SHOC2: variants seen among roughly 807,000 people sequenced by gnomAD.
SHOC2 encodes the protein leucine-rich repeat protein SHOC-2.
SHOC2 carries 4 observed loss-of-function variants against 50.2 expected under a neutral mutation model. That is an observed-to-expected ratio of 0.08 (90% confidence interval 0.04 to 0.18). The LOEUF (loss-of-function observed/expected upper bound fraction) is 0.18, where lower values mean the gene tolerates loss of function less well. SHOC2 is among the 10% of genes least tolerant of loss of function. The pLI is 1.00. For missense variants in SHOC2, 388 were observed against 669.6 expected (o/e 0.58, Z 4.64); for synonymous variants, 218 against 244.5 (o/e 0.89, Z 1.01).
chr10:110,941,045 C>T (rs1479077541), intron 1 of SHOC2, among the ~76,000 whole-genome samples: 3 of 151,126 alleles, frequency 2.0e-5, no homozygotes, highest in Non-Finnish European at 4.4e-5. Flanking sequence ...AGTCCTTCCA[C>T]CTCGGCCTCC....
chr10:111,002,602 C>T (rs1177265734), intron 4 of SHOC2, among the ~76,000 whole-genome samples: 1 of 152,142 alleles, frequency 6.6e-6, no homozygotes, highest in Admixed American at 6.5e-5. Flanking sequence ...GGAGTATCCT[C>T]ATCAAACAGA....
At chr10:110,940,221 T>G (rs10749056) in intron 1 of SHOC2, among the ~76,000 whole-genome samples, 142,399 of 152,198 alleles carry the variant, frequency 0.94, 66,677 homozygotes, top group Admixed American at 0.96. Context: ...AGTTTCCCAA[T>G]ACTAGAAAGC....
intron 1 of SHOC2, among the ~76,000 whole-genome samples, chr10:110,938,579 C>A (rs1160926563): frequency 6.6e-6 from 1 of 151,794 alleles, no homozygotes; most frequent in Non-Finnish European, 1.5e-5. Context: ...TAGATATTTC[C>A]CAAAAAGGGT....
intron 4 of SHOC2, among the ~76,000 whole-genome samples, chr10:111,001,454 C>G (rs1848373528): frequency 2.0e-5 from 3 of 152,060 alleles, no homozygotes; most frequent in Non-Finnish European, 4.4e-5. Context: ...CACAGCCAGC[C>G]AATATAATAC....
chr10:110,960,312 A>T (rs2134115893), intron 1 of SHOC2, among the ~76,000 whole-genome samples: 1 of 152,384 alleles, frequency 6.6e-6, no homozygotes, highest in Admixed American at 6.5e-5. Context: ...CTCAATATTT[A>T]AAATCTGGCC....
At position 111,001,199 on chromosome 10, in the gene SHOC2, C is replaced by G. The variant is rs1252080031; in HGVS notation, c.972+654C>G. Among the ~76,000 whole-genome samples the G allele has an allele frequency of 2.0e-5, 3 of 148,610 alleles. 1 individual carries two copies. In the Admixed American group the frequency reaches 2.0e-4, roughly 10 times the overall value. ...TGAGGCAGAGTTTAGCTCTTGTTGCCCAGGCTGGAGTGCAATGGCGCGATC... is the reference window on the plus strand; with the variant it reads ...TGAGGCAGAGTTTAGCTCTTGTTGCGCAGGCTGGAGTGCAATGGCGCGATC... On this transcript the variant is annotated intron_variant, in intron 4 of 8. Transcript: ENST00000369452.
At chr10:110,922,990 C>T (rs920153187) in intron 1 of SHOC2, among the ~76,000 whole-genome samples, 12 of 152,000 alleles carry the variant, frequency 7.9e-5, no homozygotes, top group African/African-American at 2.7e-4. Flanking sequence ...ACCTGTATTT[C>T]ATGCATTATG....
chr10:110,990,370 CTTTA>C (rs1425362294), intron 3 of SHOC2, among the ~76,000 whole-genome samples: 1 of 152,178 alleles, frequency 6.6e-6, no homozygotes, highest in East Asian at 1.9e-4. Context: ...CGTGGAGAAC[CTTTA>C]TGTCTAGCTC....
At chr10:110,946,106 C>G (rs976129252) in intron 1 of SHOC2, among the ~76,000 whole-genome samples, 1 of 152,008 alleles carries the variant, frequency 6.6e-6, no homozygotes, top group Non-Finnish European at 1.5e-5. Flanking sequence ...ATAAAAATCC[C>G]TTCAGTTTGA....
intron 3 of SHOC2, among the ~76,000 whole-genome samples, chr10:110,998,166 A>C (rs1848302998): frequency 6.6e-6 from 1 of 151,720 alleles, no homozygotes; most frequent in Non-Finnish European, 1.5e-5. Flanking sequence ...TGCCCGGATA[A>C]TTTTGTATTT....
intron 1 of SHOC2, among the ~76,000 whole-genome samples, chr10:110,925,511 G>T (rs565612213): frequency 3.3e-5 from 5 of 152,196 alleles, no homozygotes; most frequent in Non-Finnish European, 5.9e-5. Flanking sequence ...CTAGAGTGCA[G>T]TGGCACAATC....
intron 1 of SHOC2, among the ~76,000 whole-genome samples, chr10:110,931,246 A>G (rs1284916170): frequency 6.6e-6 from 1 of 152,196 alleles, no homozygotes; most frequent in East Asian, 1.9e-4. Context: ...AGTTAAATGG[A>G]CAAGTGTAGA....
intron 1 of SHOC2, chr10:110,936,745 T>G: frequency 1.0e-6 from 1 of 967,416 alleles, no homozygotes; most frequent in Non-Finnish European, 1.6e-6. Flanking sequence ...GGATTTTGGC[T>G]TTCTCTTTCC....
intron 1 of SHOC2, among the ~76,000 whole-genome samples, chr10:110,940,732 T>G (rs1847120229): frequency 6.6e-6 from 1 of 152,136 alleles, no homozygotes; most frequent in African/African-American, 2.4e-5. Context: ...AATTTAGATT[T>G]TTTCTTTAAC....
Position 111,004,830 on chromosome 10 carries a change from C to A in SHOC2, c.1161+36C>A, listed in dbSNP as rs761278318. 1.2e-5 allele frequency: 17 copies of A among 1,415,486 alleles called. No homozygotes were observed. In the South Asian group the frequency reaches 1.7e-4, roughly 14 times the overall value. 87.7% of individuals were successfully genotyped at this position (1,415,486 alleles called of 1,614,324 possible). ...ATTTGTTTACTAGGGAAAGGAATTG[C>A]TTTAATTGGTACTTCCACTAATATT... On this transcript the variant is annotated intron_variant, in intron 5 of 8. Coordinates refer to ENST00000369452, the MANE Select transcript of SHOC2 (RefSeq NM_007373.4).
chr10:110,943,711 T>G lies in SHOC2; in HGVS notation c.-234-20414T>G, dbSNP rs550716201. ...TGCTAACTCACTAGAGAACAAAAAGTAGTCTCACCATGTTAAATATTAAGT... is the reference window on the plus strand; with the variant it reads ...TGCTAACTCACTAGAGAACAAAAAGGAGTCTCACCATGTTAAATATTAAGT... On this transcript the variant is annotated intron_variant, in intron 1 of 8. Transcript: ENST00000369452. Among the ~76,000 whole-genome samples the G allele has an allele frequency of 5.3e-5, 8 of 152,328 alleles. No homozygotes were observed. The South Asian group carries it at 6.2e-4, about 12-fold the overall frequency.
intron 1 of SHOC2, among the ~76,000 whole-genome samples, chr10:110,939,453 C>T (rs1245463230): frequency 6.6e-6 from 1 of 152,148 alleles, no homozygotes; most frequent in Admixed American, 6.5e-5. Flanking sequence ...CTTCTGGCCT[C>T]AACCAATCCC....
chr10:110,920,384 A>G (rs983658422), intron 1 of SHOC2, among the ~76,000 whole-genome samples: 1 of 152,180 alleles, frequency 6.6e-6, no homozygotes, highest in African/African-American at 2.4e-5. Context: ...CCCCAGGCTC[A>G]TAACACAAGA....
chr10:110,946,082 A>AT (rs1214826439), intron 1 of SHOC2, among the ~76,000 whole-genome samples: 1 of 151,976 alleles, frequency 6.6e-6, no homozygotes, highest in Non-Finnish European at 1.5e-5. Context: ...CCTGAGTAGG[A>AT]TTTTTTTAAT....
Sources: gnomAD v4.1 joint callset for allele counts (sites outside exome capture counted in the v4.1 genomes callset) on GRCh38, gnomAD v4.1.1 for gene constraint, MANE v1.5 for transcripts, NCBI Gene and HGNC (gene_info 2026-07-23, HGNC 2026-07-21) for gene names.